Variants in GABRG3 observed in about 807,000 individuals in gnomAD.
GABRG3 encodes gamma-aminobutyric acid type A receptor subunit gamma3.
Under a neutral mutation model 48.8 loss-of-function variants are expected in GABRG3, and 25 were observed. The observed-to-expected ratio is 0.51, with a 90% CI of 0.37 to 0.72. The LOEUF (loss-of-function observed/expected upper bound fraction) is 0.72, where lower values mean the gene tolerates loss of function less well. Among genes scored for constraint, GABRG3 ranks in the 30% least tolerant of loss-of-function variants. The pLI is 0.00. For synonymous variants in GABRG3, 227 were observed against 217.6 expected, an observed-to-expected ratio of 1.04 and a Z score of -0.38; for missense variants, 394 against 577.9, an observed-to-expected ratio of 0.68 and a Z score of 3.26.
chr15:27,065,269 G>T (rs1595502591), intron 3 of GABRG3, among the ~76,000 whole-genome samples: 2 of 152,230 alleles, frequency 1.3e-5, no homozygotes, highest in African/African-American at 4.8e-5. Flanking sequence ...TCTGCACAAT[G>T]AAACGTTTAA....
At chr15:27,514,337 C>G (rs928089324) in intron 6 of GABRG3, among the ~76,000 whole-genome samples, 1 of 152,166 alleles carries the variant, frequency 6.6e-6, no homozygotes, top group African/African-American at 2.4e-5. Flanking sequence ...GCTCTTAGGG[C>G]TGCAATTAAG....
At chr15:27,050,602 A>G (rs951621523) in intron 3 of GABRG3, among the ~76,000 whole-genome samples, 2 of 152,232 alleles carry the variant, frequency 1.3e-5, no homozygotes, top group Non-Finnish European at 2.9e-5. Flanking sequence ...TCGAATACCT[A>G]AACTCAGTAA....
At chr15:27,301,348 G>A (rs545906922) in intron 3 of GABRG3, among the ~76,000 whole-genome samples, 1 of 152,202 alleles carries the variant, frequency 6.6e-6, no homozygotes, top group African/African-American at 2.4e-5. Flanking sequence ...TCATATCACT[G>A]TAGCTATAGT....
At position 27,307,366 on chromosome 15, in the gene GABRG3, T is replaced by C. The variant is rs1168754643; in HGVS notation, c.271-19443T>C. On this transcript the variant is annotated intron_variant, in intron 3 of 9. Transcript: ENST00000615808. The stretch of plus-strand genomic sequence containing the variant: ...GTTTATATATGTTTATATATAACCA[T>C]ATAGGTTTATATATTTATATATAAC... Among the ~76,000 whole-genome samples, 74 of 19,916 alleles carry C rather than the reference T, an allele frequency of 3.7e-3. 12 individuals carry two copies. Among genetic ancestry groups the C allele is most frequent in the African/African-American group, 0.013 (54 of 4,172 alleles). The allele number at this position is 19,916 out of a possible 152,430, so 13.1% of individuals were successfully genotyped here. A position where few individuals can be genotyped will look rare whatever the true frequency, so the allele number is the denominator to read the frequency against.
intron 3 of GABRG3, chr15:27,208,283 A>G (rs2140433051): frequency 5.1e-6 from 1 of 194,532 alleles, no homozygotes; most frequent in African/African-American, 2.3e-5. Flanking sequence ...CTGGACGAGC[A>G]CCTGGCCATT....
chr15:27,389,717 C>G (rs1896164173), intron 5 of GABRG3, among the ~76,000 whole-genome samples: 1 of 152,202 alleles, frequency 6.6e-6, no homozygotes, highest in African/African-American at 2.4e-5. Context: ...TCAAATGACC[C>G]TTCGAGTTAA....
chr15:27,083,910 G>C (rs1009488171), intron 3 of GABRG3, among the ~76,000 whole-genome samples: 2 of 152,170 alleles, frequency 1.3e-5, no homozygotes, highest in African/African-American at 4.8e-5. Context: ...TGCTGTGAAG[G>C]TAAGCTGCCA....
At chr15:27,240,332 C>A (rs972849319) in intron 3 of GABRG3, among the ~76,000 whole-genome samples, 1 of 152,120 alleles carries the variant, frequency 6.6e-6, no homozygotes, top group Admixed American at 6.5e-5. Context: ...GGAGCTAGTC[C>A]ACAGTGCTGG....
intron 3 of GABRG3, among the ~76,000 whole-genome samples, chr15:27,213,358 C>T (rs1889133702): frequency 6.6e-6 from 1 of 152,196 alleles, no homozygotes. Context: ...GCTCCTCATT[C>T]TGTAAAACAG....
chr15:27,403,472 A>C (rs1887531812), intron 5 of GABRG3, among the ~76,000 whole-genome samples: 1 of 152,238 alleles, frequency 6.6e-6, no homozygotes, highest in African/African-American at 2.4e-5. Context: ...CTAGGTAATC[A>C]GCTGAAAACC....
chr15:27,308,167 T>TATGTTTATATATCCAAACATATATAAAC (rs1566773256), intron 3 of GABRG3, among the ~76,000 whole-genome samples: 261 of 20,898 alleles, frequency 0.012, 12 homozygotes, highest in Admixed American at 0.021. Flanking sequence ...TATAAACATA[T>TATGTTTATATATCCAAACATATATAAAC]ATGTTTATAT....
chr15:27,092,849 C>G (rs554038329), intron 3 of GABRG3, among the ~76,000 whole-genome samples: 2 of 151,966 alleles, frequency 1.3e-5, no homozygotes, highest in Admixed American at 1.3e-4. Flanking sequence ...AGAAGAGTGT[C>G]CCCCCTGCAG....
intron 3 of GABRG3, among the ~76,000 whole-genome samples, chr15:27,079,511 G>T (rs1896958786): frequency 2.6e-5 from 4 of 152,066 alleles, no homozygotes; most frequent in Admixed American, 2.6e-4. Context: ...TTGGGAGTGG[G>T]TGAGATTTCA....
At chr15:27,235,421 C>T (rs1566974836) in intron 3 of GABRG3, among the ~76,000 whole-genome samples, 1 of 150,628 alleles carries the variant, frequency 6.6e-6, no homozygotes, top group Non-Finnish European at 1.5e-5. Context: ...CCATCATTTG[C>T]TCCACATGGC....
At chr15:27,033,280 C>T (rs977392072) in intron 3 of GABRG3, among the ~76,000 whole-genome samples, 1 of 152,062 alleles carries the variant, frequency 6.6e-6, no homozygotes, top group African/African-American at 2.4e-5. Context: ...CATGGTGAGC[C>T]TGCTGCCTCT....
chr15:27,207,824 A>G (rs1245679074), intron 3 of GABRG3, among the ~76,000 whole-genome samples: 2 of 152,202 alleles, frequency 1.3e-5, no homozygotes, highest in Non-Finnish European at 2.9e-5. Flanking sequence ...TGCCCTGGCC[A>G]CTGAGAATCA....
intron 6 of GABRG3, among the ~76,000 whole-genome samples, chr15:27,511,542 G>C (rs539530664): frequency 6.6e-6 from 1 of 152,284 alleles, no homozygotes; most frequent in East Asian, 1.9e-4. Context: ...AATCCACACT[G>C]ATATACTGCT....
chr15:27,127,817 G>A (rs1055044869), intron 3 of GABRG3, among the ~76,000 whole-genome samples: 2 of 152,004 alleles, frequency 1.3e-5, no homozygotes, highest in African/African-American at 2.4e-5. Context: ...AATAGCCTTT[G>A]GCCTTGGCAG....
intron 5 of GABRG3, among the ~76,000 whole-genome samples, chr15:27,461,065 G>C (rs570896689): frequency 1.3e-5 from 2 of 152,058 alleles, no homozygotes; most frequent in Non-Finnish European, 1.5e-5. Flanking sequence ...TTGTACACAC[G>C]AGATTGTTTT....
Sources: allele counts gnomAD v4.1 joint callset (sites outside exome capture counted in the v4.1 genomes callset), GRCh38; gene constraint gnomAD v4.1.1; transcripts MANE v1.5; gene names NCBI Gene and HGNC (gene_info 2026-07-23, HGNC 2026-07-21).